CNTNAP2: variants seen among roughly 807,000 people sequenced by gnomAD.
The protein encoded by CNTNAP2 is contactin associated protein 2, also known as contactin-associated protein-like 2.
Under a neutral mutation model 155.2 loss-of-function variants are expected in CNTNAP2, and 98 were observed. That is an observed-to-expected ratio of 0.63 (90% CI 0.54 to 0.75). The LOEUF is 0.75. Among genes scored for constraint, CNTNAP2 ranks in the 30% least tolerant of loss-of-function variants. The pLI is 0.00. For missense variants in CNTNAP2, 1,727 were observed against 1,688.1 expected, an observed-to-expected ratio of 1.02 and a Z score of -0.40; for synonymous variants, 651 against 631.2, an observed-to-expected ratio of 1.03 and a Z score of -0.47.
At chr7:146,740,110 A>T (rs1801686549) in intron 1 of CNTNAP2, among the ~76,000 whole-genome samples, 1 of 152,050 alleles carries the variant, frequency 6.6e-6, no homozygotes. Context: ...ATGCTGTCAC[A>T]TAAGTTTCAT....
intron 1 of CNTNAP2, among the ~76,000 whole-genome samples, chr7:146,372,189 C>A (rs1795246717): frequency 6.6e-6 from 1 of 152,120 alleles, no homozygotes; most frequent in African/African-American, 2.4e-5. Flanking sequence ...TCTCAGTACT[C>A]ATTTTTACCC....
chr7:147,180,868 C>A (rs1802442166), intron 8 of CNTNAP2, among the ~76,000 whole-genome samples: 1 of 151,860 alleles, frequency 6.6e-6, no homozygotes, highest in Non-Finnish European at 1.5e-5. Flanking sequence ...ACATAGGAAG[C>A]TACTAAAGAA....
intron 8 of CNTNAP2, among the ~76,000 whole-genome samples, chr7:147,287,778 C>T (rs1284154681): frequency 1.3e-5 from 2 of 152,080 alleles, no homozygotes; most frequent in Non-Finnish European, 2.9e-5. Flanking sequence ...CATCAATTTC[C>T]ACTCAGTTGC....
intron 4 of CNTNAP2, among the ~76,000 whole-genome samples, chr7:147,053,392 G>C (rs1003413756): frequency 1.3e-5 from 2 of 151,884 alleles, no homozygotes; most frequent in Non-Finnish European, 2.9e-5. Flanking sequence ...AATTGACTTT[G>C]TTCAGTGAGA....
At chr7:147,588,637 A>G (rs1468852316) in intron 12 of CNTNAP2, among the ~76,000 whole-genome samples, 1 of 152,200 alleles carries the variant, frequency 6.6e-6, no homozygotes, top group Non-Finnish European at 1.5e-5. Context: ...CAGATGTGCC[A>G]TTATGTTCTT....
chr7:146,572,264 C>T (rs1239464929), intron 1 of CNTNAP2, among the ~76,000 whole-genome samples: 2 of 126,188 alleles, frequency 1.6e-5, no homozygotes, highest in Non-Finnish European at 1.7e-5. Flanking sequence ...TTTCTGTTGT[C>T]TTTTTTTTTT....
At chr7:147,172,747 T>C (rs993447583) in intron 8 of CNTNAP2, among the ~76,000 whole-genome samples, 1 of 152,132 alleles carries the variant, frequency 6.6e-6, no homozygotes, top group Admixed American at 6.5e-5. Context: ...AACTCAAGGA[T>C]CTAAAATGAA....
At chr7:146,641,401 G>C (rs1799705386) in intron 1 of CNTNAP2, among the ~76,000 whole-genome samples, 1 of 151,936 alleles carries the variant, frequency 6.6e-6, no homozygotes, top group African/African-American at 2.4e-5. Context: ...CAAATACTTG[G>C]GCAGGTTTCT....
At chr7:147,625,984 C>G (rs1206613047) in intron 12 of CNTNAP2, among the ~76,000 whole-genome samples, 2 of 152,120 alleles carry the variant, frequency 1.3e-5, no homozygotes, top group Non-Finnish European at 2.9e-5. Context: ...GAAGTAGCAG[C>G]AGAAAATGCC....
intron 3 of CNTNAP2, among the ~76,000 whole-genome samples, chr7:146,841,505 C>G (rs1376231328): frequency 6.6e-6 from 1 of 152,042 alleles, no homozygotes; most frequent in African/African-American, 2.4e-5. Flanking sequence ...TTCTAACTTT[C>G]TATGGTTTCT....
chr7:147,840,297 C>T (rs1264919233), intron 13 of CNTNAP2, among the ~76,000 whole-genome samples: 1 of 151,992 alleles, frequency 6.6e-6, no homozygotes, highest in Non-Finnish European at 1.5e-5. Flanking sequence ...GCACTTTTAC[C>T]CCCTAAATCT....
At chr7:148,090,132 C>T (rs1257319964) in intron 15 of CNTNAP2, among the ~76,000 whole-genome samples, 1 of 151,918 alleles carries the variant, frequency 6.6e-6, no homozygotes, top group African/African-American at 2.4e-5. Context: ...TTAAATGTGA[C>T]ACCTGAAACT....
At chr7:147,713,323 T>C (rs1004051014) in intron 13 of CNTNAP2, among the ~76,000 whole-genome samples, 1 of 152,168 alleles carries the variant, frequency 6.6e-6, no homozygotes, top group Non-Finnish European at 1.5e-5. Context: ...GACTTTGTAG[T>C]CAAACCTCTC....
intron 3 of CNTNAP2, among the ~76,000 whole-genome samples, chr7:146,973,193 T>C (rs946346085): frequency 7.2e-5 from 11 of 152,172 alleles, no homozygotes; most frequent in Non-Finnish European, 1.5e-4. Flanking sequence ...CATGCCCAGC[T>C]AATTTTGTAA....
chr7:147,433,097 A>G (rs555785439), intron 10 of CNTNAP2, among the ~76,000 whole-genome samples: 2 of 152,346 alleles, frequency 1.3e-5, no homozygotes, highest in East Asian at 3.9e-4. Flanking sequence ...TGAAATCAGC[A>G]TTGCACTAAA....
intron 8 of CNTNAP2, among the ~76,000 whole-genome samples, chr7:147,269,236 T>A (rs888897578): frequency 2.6e-5 from 4 of 152,198 alleles, no homozygotes; most frequent in African/African-American, 9.6e-5. Context: ...AAAATGCACT[T>A]TTATTTCTTC....
rs138792927 is a variant in CNTNAP2, at chr7:147,818,554, G to T, written c.2099-85011G>T. Among the ~76,000 whole-genome samples, 1,177 of 152,244 alleles carry T rather than the reference G, an allele frequency of 7.7e-3. 17 individuals carry two copies. Among genetic ancestry groups the T allele is most frequent in the African/African-American group, 0.027 (1,138 of 41,522 alleles). ...ATGGGTGTCCTAAAAGGAAGCACGT[G>T]GTCTGTTGGGAGATGCAGACAGCAG... On this transcript the variant is annotated intron_variant, in intron 13 of 23. Coordinates refer to ENST00000361727, the MANE Select transcript of CNTNAP2 (RefSeq NM_014141.6).
chr7:148,419,708 T>G lies in CNTNAP2; in HGVS notation c.*4092T>G, dbSNP rs1266164716. The stretch of plus-strand genomic sequence containing the variant: ...ATCCGTCCACCTCGGCCTTGCAAAT[T>G]GCTGGGATTACAGGTGTGAGCCACC... On this transcript the variant is annotated 3_prime_UTR_variant, in exon 24 of 24. Coordinates refer to ENST00000361727, the MANE Select transcript of CNTNAP2 (RefSeq NM_014141.6). The G allele has an allele frequency of 1.3e-5, 2 of 152,136 alleles. No homozygotes were observed. Among genetic ancestry groups the G allele is most frequent in the Admixed American group, 6.6e-5 (1 of 15,258 alleles). The allele number at this position is 152,136 out of a possible 1,614,324, so 9.4% of individuals were successfully genotyped here.
chr7:146,686,246 T>C (rs1047347994), intron 1 of CNTNAP2, among the ~76,000 whole-genome samples: 3 of 151,982 alleles, frequency 2.0e-5, no homozygotes, highest in African/African-American at 7.3e-5. Context: ...TTGTGAGCTG[T>C]GATTGCACAC....
Sources: gnomAD v4.1 joint callset for allele counts (sites outside exome capture counted in the v4.1 genomes callset) on GRCh38, gnomAD v4.1.1 for gene constraint, MANE v1.5 for transcripts, NCBI Gene and HGNC (gene_info 2026-07-23, HGNC 2026-07-21) for gene names.